The following SMAD7 variants were observed in gnomAD, a reference collection of about 807,000 sequenced individuals.
SMAD7 encodes the protein SMAD family member 7, also known as MAD (mothers against decapentaplegic, Drosophila) homolog 7.
Under a neutral mutation model 38.7 loss-of-function variants are expected in SMAD7, and 8 were observed. The observed-to-expected ratio is 0.21, with a 90% confidence interval of 0.12 to 0.37. The LOEUF is 0.37. Ranked by LOEUF, SMAD7 falls within the 10% of genes least tolerant of loss-of-function variation. The pLI is 1.00. For synonymous variants in SMAD7, 327 were observed against 265.1 expected, an observed-to-expected ratio of 1.23 and a Z score of -2.27; for missense variants, 477 against 577.9, an observed-to-expected ratio of 0.83 and a Z score of 1.79.
At chr18:48,939,683 A>C (rs2070114794) in intron 3 of SMAD7, among the ~76,000 whole-genome samples, 1 of 151,624 alleles carries the variant, frequency 6.6e-6, no homozygotes, top group African/African-American at 2.4e-5. Context: ...CCCTAAACTG[A>C]GCCCCATTCA....
chr18:48,948,533 G>C, intron 1 of SMAD7, 96 bp from the exon 2 acceptor site: 2 of 863,192 alleles, frequency 2.3e-6, no homozygotes, highest in Non-Finnish European at 1.8e-6. Context: ...CCAACTGTTT[G>C]TCTTAGCTGT....
chr18:48,947,151 T>C lies in SMAD7; in HGVS notation c.667+1233A>G, dbSNP rs563219267. The stretch of plus-strand genomic sequence containing the variant: ...AGAGAGCTGGGTATCTCCTTATTAA[T>C]AACCATTTATCTGGTGTTTTGTAAA... On this transcript the variant is annotated intron_variant, in intron 2 of 3. Transcript: ENST00000262158. 5.4e-4 allele frequency among the ~76,000 whole-genome samples: 82 copies of C among 152,330 alleles called. 1 individual carries two copies. The highest frequency in any genetic ancestry group is 1.9e-3 in the African/African-American group (79 of 41,564).
At chr18:48,922,652 G>A (rs141532780) in intron 3 of SMAD7, among the ~76,000 whole-genome samples, 1 of 152,250 alleles carries the variant, frequency 6.6e-6, no homozygotes, top group African/African-American at 2.4e-5. Flanking sequence ...ATGCAGACCG[G>A]TATTAACCCG....
intron 3 of SMAD7, among the ~76,000 whole-genome samples, chr18:48,926,072 C>T (rs556256462): frequency 8.5e-5 from 13 of 152,236 alleles, no homozygotes; most frequent in South Asian, 2.1e-4. Flanking sequence ...AATTTGAAGG[C>T]GTCAGGAGAT....
At chr18:48,929,573 T>TCA (rs6146310) in intron 3 of SMAD7, among the ~76,000 whole-genome samples, 2,832 of 137,396 alleles carry the variant, frequency 0.021, 87 homozygotes, top group African/African-American at 0.054. Context: ...TCTCTCTCAC[T>TCA]CACACACACA....
intron 3 of SMAD7, among the ~76,000 whole-genome samples, chr18:48,939,130 A>AC (rs2143799455): frequency 6.6e-6 from 1 of 152,074 alleles, no homozygotes; most frequent in East Asian, 1.9e-4. Context: ...GTCTATCTGT[A>AC]CGTCTGCGGC....
chr18:48,921,903 T>G lies in SMAD7; in HGVS notation c.750A>C (p.Gln250His). The G allele has an allele frequency of 6.2e-7, 1 of 1,600,608 alleles. No individual in the cohort carries two copies. The highest frequency in any genetic ancestry group is 1.1e-5 in the South Asian group (1 of 90,272). The change falls in exon 4 of 4, where the codon CAA becomes CAC. Residue 250 changes from glutamine (Q) to histidine (H), a missense_variant. Gln to His is a conservative substitution (Grantham distance 24, BLOSUM62 0). Transcript: ENST00000262158. This position sits in a 1 kb window ranked among gnomAD's most constrained non-coding sequence, Gnocchi z 6.4. Reference sequence around the variant, plus strand: ...ACCGATCCCCAGGCTCCAGAAGAAGTTGGGAATCTAGAAAACACATTGGCA... The same window carrying G: ...ACCGATCCCCAGGCTCCAGAAGAAGGTGGGAATCTAGAAAACACATTGGCA... ...YLAPGGLSDS[Q>H]LLLEPGDRSH...
At chr18:48,934,206 T>C (rs879286699) in intron 3 of SMAD7, among the ~76,000 whole-genome samples, 5 of 152,160 alleles carry the variant, frequency 3.3e-5, no homozygotes, top group African/African-American at 4.8e-5. Flanking sequence ...ACAGCACCGT[T>C]ACTGGACACA....
intron 3 of SMAD7, among the ~76,000 whole-genome samples, chr18:48,923,586 C>G (rs1249410067): frequency 2.6e-5 from 4 of 152,160 alleles, no homozygotes; most frequent in African/African-American, 4.8e-5. Flanking sequence ...GACACACACA[C>G]CCAGAGCAGC....
intron 3 of SMAD7, among the ~76,000 whole-genome samples, chr18:48,927,293 C>T (rs1271235424): frequency 6.7e-6 from 1 of 150,338 alleles, no homozygotes; most frequent in East Asian, 2.0e-4. Flanking sequence ...TGGTGGAAGG[C>T]TGACCTGAGA....
chr18:48,936,032 G>A (rs572700951), intron 3 of SMAD7, among the ~76,000 whole-genome samples: 3 of 151,418 alleles, frequency 2.0e-5, no homozygotes, highest in East Asian at 1.9e-4. Flanking sequence ...CCGAGATCAC[G>A]CCACTGCCCT....
chr18:48,949,663 CACACTCTCCCAGGAGGGTA>C, intron 1 of SMAD7, 130 bp downstream of exon 1: 17 of 798,448 alleles, frequency 2.1e-5, no homozygotes, highest in African/African-American at 1.1e-4. Flanking sequence ...GGAGGGTATG[CACACTCTCCCAGGAGGGTA>C]TGCACACTCT....
chr18:48,945,890 G>T (rs2143816667), intron 2 of SMAD7, among the ~76,000 whole-genome samples: 1 of 152,246 alleles, frequency 6.6e-6, no homozygotes, highest in South Asian at 2.1e-4. Context: ...GGAGGTGGGG[G>T]TGTCTTTCTG....
At chr18:48,947,068 G>T (rs946142523) in intron 2 of SMAD7, among the ~76,000 whole-genome samples, 14 of 152,214 alleles carry the variant, frequency 9.2e-5, no homozygotes, top group African/African-American at 3.1e-4. Context: ...ACCCAGTCAA[G>T]TTACAGTCTT....
At position 48,950,154 on chromosome 18, in the gene SMAD7, C is replaced by A; in HGVS notation, c.271G>T (p.Asp91Tyr). 1 of 1,492,730 alleles carries A rather than the reference C, an allele frequency of 6.7e-7. No homozygotes were observed. Among genetic ancestry groups the A allele is most frequent in the Non-Finnish European group, 8.9e-7 (1 of 1,126,042 alleles). 92.5% of individuals were successfully genotyped at this position (1,492,730 alleles called of 1,614,324 possible). A position where few individuals can be genotyped will look rare whatever the true frequency, so the allele number is the denominator to read the frequency against. The change falls in exon 1 of 4, where the codon GAT becomes TAT. Residue 91 changes from aspartate (D) to tyrosine (Y), a missense_variant. Asp to Tyr is a radical substitution (Grantham distance 160). Transcript: ENST00000262158. ...ACCGAGTGCGTGAGCGCCTTCAGAT[C>A]CGCCTCGGCGCCCCCGGCCGCGCCG... ...GAGAAGGAEADLKALTHSVLK... is the reference protein window; with the variant it reads ...GAGAAGGAEAYLKALTHSVLK...
At chr18:48,923,434 G>A (rs984941158) in intron 3 of SMAD7, among the ~76,000 whole-genome samples, 2 of 152,176 alleles carry the variant, frequency 1.3e-5, no homozygotes, top group Non-Finnish European at 2.9e-5. Flanking sequence ...TTTTACAGGC[G>A]TGTTAGGACC....
At chr18:48,928,495 C>T (rs1366485584) in intron 3 of SMAD7, among the ~76,000 whole-genome samples, 1 of 151,574 alleles carries the variant, frequency 6.6e-6, no homozygotes, top group African/African-American at 2.4e-5. Flanking sequence ...TTTACTCTGT[C>T]TTACTATTCA....
intron 3 of SMAD7, among the ~76,000 whole-genome samples, chr18:48,935,351 G>C (rs2070052182): frequency 6.6e-6 from 1 of 152,236 alleles, no homozygotes; most frequent in Non-Finnish European, 1.5e-5. Context: ...TAGGCAGGCA[G>C]CCAGGCTTGG....
intron 2 of SMAD7, 146 bp from the exon 3 acceptor site, chr18:48,942,701 T>C: frequency 6.5e-7 from 1 of 1,534,548 alleles, no homozygotes; most frequent in Non-Finnish European, 8.7e-7. Context: ...TTATTAATGG[T>C]CTGCTCAGGC....
Sources: gnomAD v4.1 joint callset for allele counts (sites outside exome capture counted in the v4.1 genomes callset) on GRCh38, gnomAD v4.1.1 for gene constraint, Gnocchi (gnomAD v3.1) non-coding constraint, MANE v1.5 for transcripts, NCBI Gene and HGNC (gene_info 2026-07-23, HGNC 2026-07-21) for gene names.